The following OR8G5 variants were observed in gnomAD, a reference collection of about 807,000 sequenced individuals.
The protein encoded by OR8G5 is olfactory receptor 8G5.
For synonymous variants in OR8G5, 147 were observed against 147.7 expected, an observed-to-expected ratio of 1.00 and a Z score of 0.03; for missense variants, 347 against 371.9, an observed-to-expected ratio of 0.93 and a Z score of 0.55.
intron 1 of OR8G5, among the ~76,000 whole-genome samples, chr11:124,261,053 G>A (rs2466670): frequency 0.48 from 72,271 of 150,602 alleles, 18,394 homozygotes; most frequent in East Asian, 0.58. Flanking sequence ...TAGCTTCCAC[G>A]TATGAGTAAG....
Position 124,265,730 on chromosome 11 carries a change from T to C in OR8G5, c.799T>C (p.Ser267Pro), listed in dbSNP as rs1862022810. 6.2e-7 allele frequency: 1 copy of C among 1,613,974 alleles called. No individual in the cohort carries two copies. Among genetic ancestry groups the C allele is most frequent in the African/African-American group, 1.3e-5 (1 of 74,928 alleles). ...FMYLQPSSVS[S>P]MDQGKVSSVF... ...GTACCTGCAGCCATCATCTGTCAGC[T>C]CCATGGACCAGGGGAAAGTGTCCTC... The change falls in exon 2 of 2, where the codon TCC becomes CCC. Residue 267 changes from serine (S) to proline (P), a missense_variant. Ser to Pro is a moderately conservative substitution (Grantham distance 74). Transcript: ENST00000641992.
intron 1 of OR8G5, among the ~76,000 whole-genome samples, chr11:124,257,463 G>A (rs1478672540): frequency 6.6e-6 from 1 of 152,184 alleles, no homozygotes; most frequent in Non-Finnish European, 1.5e-5. Context: ...CTTCATGGAA[G>A]AGAGATGTGT....
At chr11:124,263,783 G>T (rs967976320) in intron 1 of OR8G5, among the ~76,000 whole-genome samples, 2 of 152,022 alleles carry the variant, frequency 1.3e-5, no homozygotes, top group Admixed American at 6.6e-5. Context: ...GTGTAGAAAT[G>T]TGTTAAGAAA....
chr11:124,262,006 A>G (rs578007649), intron 1 of OR8G5, among the ~76,000 whole-genome samples: 1 of 152,022 alleles, frequency 6.6e-6, no homozygotes, highest in East Asian at 1.9e-4. Flanking sequence ...ACAAGTAGCT[A>G]AAGTAGGGCT....
intron 1 of OR8G5, among the ~76,000 whole-genome samples, chr11:124,261,495 CTAAATA>C (rs990722851): frequency 7.9e-5 from 12 of 151,814 alleles, no homozygotes; most frequent in Non-Finnish European, 1.6e-4. Flanking sequence ...AGACACATTA[CTAAATA>C]TAAAGTTCTG....
chr11:124,258,383 C>G (rs555924233), intron 1 of OR8G5, among the ~76,000 whole-genome samples: 6 of 151,962 alleles, frequency 3.9e-5, no homozygotes, highest in African/African-American at 1.4e-4. Flanking sequence ...ATAGCGAAAC[C>G]CTGTCTCTAC....
intron 1 of OR8G5, 110 bp from the exon 2 acceptor site, chr11:124,264,808 T>C (rs1431553206): frequency 4.4e-6 from 6 of 1,363,560 alleles, no homozygotes; most frequent in African/African-American, 1.4e-5. Flanking sequence ...TATGATTCAG[T>C]TAATTGAACC....
At chr11:124,262,234 C>T (rs985800424) in intron 1 of OR8G5, among the ~76,000 whole-genome samples, 1 of 151,592 alleles carries the variant, frequency 6.6e-6, no homozygotes, top group Non-Finnish European at 1.5e-5. Context: ...ATAAAATTGA[C>T]AGACTTCTAG....
intron 1 of OR8G5, among the ~76,000 whole-genome samples, chr11:124,263,402 G>T (rs111658527): frequency 0.04 from 6,097 of 151,506 alleles, 403 homozygotes; most frequent in African/African-American, 0.14. Flanking sequence ...CAATGTGCAG[G>T]TTTGTTACAT....
Position 124,265,883 on chromosome 11 carries a change from A to G in OR8G5, c.*16A>G, listed in dbSNP as rs886949448. 23 of 1,583,072 alleles carry G rather than the reference A, an allele frequency of 1.5e-5. No individual in the cohort carries two copies. The highest frequency in any genetic ancestry group is 1.9e-5 in the Non-Finnish European group (22 of 1,164,198). ...ATTCTTATGAACAGAAGTACAATGA[A>G]AAAGATTGCATTAGATCTAAGTTTT... On this transcript the variant is annotated 3_prime_UTR_variant, in exon 2 of 2. Transcript: ENST00000641992.
chr11:124,265,999 C>T lies in OR8G5; in HGVS notation c.*132C>T. 9.0e-7 allele frequency: 1 copy of T among 1,114,600 alleles called. No homozygotes were observed. The allele number at this position is 1,114,600 out of a possible 1,614,324, so 69.0% of individuals were successfully genotyped here. ...TGGGGGGATTTTACTGACGTTATGT[C>T]TTATGCACATGGTCTATTTCATGCC... is the stretch of plus-strand genomic sequence containing the variant. On this transcript the variant is annotated 3_prime_UTR_variant, in exon 2 of 2. Transcript: ENST00000641992.
intron 1 of OR8G5, among the ~76,000 whole-genome samples, chr11:124,260,344 C>G (rs1253383993): frequency 2.0e-5 from 3 of 151,782 alleles, no homozygotes; most frequent in Non-Finnish European, 4.4e-5. Context: ...AATGTGTTCT[C>G]ATTTATAAGT....
At position 124,261,112 on chromosome 11, in the gene OR8G5, C is replaced by G. The variant is rs527737639; in HGVS notation, c.-14-3806C>G. ...TGCCTGGCTTATTTCACTTAACCAT[C>G]AAATTACAGGATTTCGTTCGTTTTT... On this transcript the variant is annotated intron_variant, in intron 1 of 1. Transcript: ENST00000641992. 1.7e-3 allele frequency among the ~76,000 whole-genome samples: 256 copies of G among 151,986 alleles called. 7 individuals carry two copies. In the South Asian group the frequency reaches 0.047, roughly 28 times the overall value.
chr11:124,260,600 A>C (rs964848848), intron 1 of OR8G5, among the ~76,000 whole-genome samples: 1 of 151,900 alleles, frequency 6.6e-6, no homozygotes, highest in East Asian at 1.9e-4. Flanking sequence ...TGTTAAATCT[A>C]TACATAAGTT....
intron 1 of OR8G5, among the ~76,000 whole-genome samples, chr11:124,256,850 G>T (rs1007506039): frequency 1.3e-5 from 2 of 152,182 alleles, no homozygotes; most frequent in Non-Finnish European, 2.9e-5. Context: ...CTGGCTTACA[G>T]TACAGTTCAG....
rs1435897793 is a variant in OR8G5 at position 124,265,105 on chromosome 11, T to C, written c.174T>C (p.Pro58=). 6.2e-7 allele frequency: 1 copy of C among 1,614,168 alleles called. No individual in the cohort carries two copies. Among genetic ancestry groups the C allele is most frequent in the Admixed American group, 1.7e-5 (1 of 60,010 alleles). Residue 58 remains proline (P), a synonymous_variant, in exon 2 of 2, where the codon CCT becomes CCC. Coordinates refer to ENST00000641992, the MANE Select transcript of OR8G5 (RefSeq NM_001005198.2). ...LIGLSSHLHT[P]MYCFLSSLSF... ...GGCTCAGTTCTCACCTGCACACACC[T>C]ATGTACTGTTTCCTCAGCAGTCTGT...
intron 1 of OR8G5, among the ~76,000 whole-genome samples, chr11:124,257,792 A>T (rs1275443415): frequency 6.6e-6 from 1 of 152,188 alleles, no homozygotes; most frequent in Non-Finnish European, 1.5e-5. Flanking sequence ...AATTCCAAAG[A>T]GTCCCACCCA....
At position 124,265,191 on chromosome 11, in the gene OR8G5, CAG is replaced by C; in HGVS notation, c.264_265del (p.Lys89GlufsTer7). The C allele has an allele frequency of 6.2e-7, 1 of 1,614,116 alleles. No homozygotes were observed. Among genetic ancestry groups the C allele is most frequent in the Non-Finnish European group, 8.5e-7 (1 of 1,179,972 alleles). On this transcript the variant is annotated frameshift_variant, in exon 2 of 2. Coordinates refer to ENST00000641992, the MANE Select transcript of OR8G5 (RefSeq NM_001005198.2). LOFTEE classifies it low-confidence loss of function (END_TRUNC). ...CCTAAGATGCTGGTGAACTTTGTGACAGAGAAGAACATCATCTCCTACCCTGA... is the reference window on the plus strand; with the variant it reads ...CCTAAGATGCTGGTGAACTTTGTGACAGAAGAACATCATCTCCTACCCTGA...
intron 1 of OR8G5, among the ~76,000 whole-genome samples, chr11:124,262,106 A>G (rs1024307470): frequency 1.3e-5 from 2 of 151,626 alleles, no homozygotes; most frequent in African/African-American, 4.8e-5. Flanking sequence ...ATCTAGGAAA[A>G]GGACAGGAAA....
Sources: allele counts gnomAD v4.1 joint callset (sites outside exome capture counted in the v4.1 genomes callset), GRCh38; gene constraint gnomAD v4.1.1; transcripts MANE v1.5; gene names NCBI Gene and HGNC (gene_info 2026-07-23, HGNC 2026-07-21).